ANKS1B: variants seen among roughly 807,000 people sequenced by gnomAD.
ANKS1B encodes the protein ankyrin repeat and sterile alpha motif domain-containing protein 1B.
In ANKS1B, 36 loss-of-function variants were observed where a neutral mutation model predicts 148.3. The observed-to-expected ratio is 0.24, with a 90% CI of 0.19 to 0.32. ANKS1B has a LOEUF of 0.32. Among genes scored for constraint, ANKS1B ranks in the 10% least tolerant of loss-of-function variants. The pLI, the probability that ANKS1B is intolerant of heterozygous loss-of-function variation, is 1.00. For missense variants in ANKS1B, 1,157 were observed against 1,542.6 expected (o/e 0.75, Z 4.19); for synonymous variants, 542 against 560.8 (o/e 0.97, Z 0.47).
At position 99,081,629 on chromosome 12, in the gene ANKS1B, C is replaced by G. The variant is rs371098481; in HGVS notation, c.2625+3296G>C. Among the ~76,000 whole-genome samples the G allele has an allele frequency of 1.6e-4, 25 of 152,244 alleles. No homozygotes were observed. In the East Asian group the frequency reaches 3.9e-3, roughly 23 times the overall value. ...TCTACTAATTTGTGTGCAGAGTGAGCTCTTCTGCATCAGCCTCTCTATAGA... is the reference window on the plus strand; with the variant it reads ...TCTACTAATTTGTGTGCAGAGTGAGGTCTTCTGCATCAGCCTCTCTATAGA... On this transcript the variant is annotated intron_variant, in intron 16 of 26. Coordinates refer to ENST00000683438, the MANE Select transcript of ANKS1B (RefSeq NM_001352186.2).
chr12:98,866,795 G>A (rs1427783304), intron 17 of ANKS1B, among the ~76,000 whole-genome samples: 2 of 152,008 alleles, frequency 1.3e-5, no homozygotes, highest in Admixed American at 6.5e-5. Flanking sequence ...CCTCTCTCTG[G>A]CTTAGGTACC....
chr12:99,453,042 G>A (rs2095777777), intron 10 of ANKS1B, among the ~76,000 whole-genome samples: 1 of 152,308 alleles, frequency 6.6e-6, no homozygotes, highest in South Asian at 2.1e-4. Flanking sequence ...TGTAATCCTA[G>A]CACTTTGGGA....
intron 11 of ANKS1B, among the ~76,000 whole-genome samples, chr12:99,416,193 T>C (rs1473559600): frequency 1.3e-5 from 2 of 152,232 alleles, no homozygotes; most frequent in Non-Finnish European, 2.9e-5. Flanking sequence ...TGTGTATCAA[T>C]AGCTTGCTCC....
intron 26 of ANKS1B, among the ~76,000 whole-genome samples, chr12:98,747,544 G>T (rs2097922446): frequency 6.6e-6 from 1 of 152,208 alleles, no homozygotes; most frequent in Non-Finnish European, 1.5e-5. Flanking sequence ...AGAATAGCAT[G>T]GAGGGTCCTC....
intron 1 of ANKS1B, among the ~76,000 whole-genome samples, chr12:99,949,959 A>ATTTG (rs1201315225): frequency 1.3e-5 from 2 of 150,930 alleles, no homozygotes; most frequent in African/African-American, 2.5e-5. Context: ...AGCCACTCTT[A>ATTTG]TTTGTTTGTT....
intron 12 of ANKS1B, among the ~76,000 whole-genome samples, chr12:99,312,040 G>T (rs563218822): frequency 3.8e-4 from 58 of 152,268 alleles, no homozygotes; most frequent in African/African-American, 1.3e-3. Flanking sequence ...AGAAATTTTA[G>T]AAAGAGATTG....
intron 8 of ANKS1B, among the ~76,000 whole-genome samples, chr12:99,732,532 GA>G (rs200793060): frequency 2.0e-5 from 3 of 151,474 alleles, no homozygotes; most frequent in African/African-American, 7.3e-5. Flanking sequence ...TGAAATTCTA[GA>G]AAAAAAAATT....
chr12:99,472,251 T>C (rs932011298), intron 10 of ANKS1B, among the ~76,000 whole-genome samples: 2 of 152,128 alleles, frequency 1.3e-5, no homozygotes, highest in Non-Finnish European at 2.9e-5. Flanking sequence ...CTAGCTCAAA[T>C]GCTATTTTTT....
intron 8 of ANKS1B, among the ~76,000 whole-genome samples, chr12:99,665,266 GGC>G (rs1448695345): frequency 1.4e-4 from 21 of 152,054 alleles, no homozygotes; most frequent in Non-Finnish European, 2.4e-4. Flanking sequence ...CCACATTCTT[GGC>G]AACACTTAAT....
chr12:99,107,350 G>T (rs1600158178), intron 15 of ANKS1B, among the ~76,000 whole-genome samples: 1 of 152,100 alleles, frequency 6.6e-6, no homozygotes, highest in Non-Finnish European at 1.5e-5. Flanking sequence ...CTCCTGCACA[G>T]AGAAGCCAAT....
At chr12:99,114,029 CT>C (rs1394474038) in intron 15 of ANKS1B, among the ~76,000 whole-genome samples, 2 of 152,104 alleles carry the variant, frequency 1.3e-5, no homozygotes, top group Non-Finnish European at 2.9e-5. Flanking sequence ...GTAATAACAG[CT>C]TTGTAATACT....
intron 8 of ANKS1B, among the ~76,000 whole-genome samples, chr12:99,663,586 G>T (rs1599125215): frequency 6.6e-6 from 1 of 151,574 alleles, no homozygotes; most frequent in African/African-American, 2.4e-5. Flanking sequence ...ATTTATATCT[G>T]CAAGGAAAAG....
intron 9 of ANKS1B, among the ~76,000 whole-genome samples, chr12:99,641,854 C>T (rs943934243): frequency 1.3e-5 from 2 of 151,800 alleles, no homozygotes; most frequent in South Asian, 2.1e-4. Flanking sequence ...GAAGCTATTC[C>T]GTCTATTTTT....
intron 17 of ANKS1B, among the ~76,000 whole-genome samples, chr12:98,854,753 G>A (rs1255278176): frequency 6.6e-6 from 1 of 152,226 alleles, no homozygotes; most frequent in Non-Finnish European, 1.5e-5. Context: ...ATTTTCCATT[G>A]AGAAGCAGAA....
chr12:99,353,027 C>T (rs1004638733), intron 12 of ANKS1B, among the ~76,000 whole-genome samples: 2 of 151,900 alleles, frequency 1.3e-5, no homozygotes, highest in African/African-American at 4.8e-5. Context: ...GGATGTTATC[C>T]CCACAAGTTT....
At position 99,140,794 on chromosome 12, in the gene ANKS1B, A is replaced by G. The variant is rs527511015; in HGVS notation, c.2526+13495T>C. The stretch of plus-strand genomic sequence containing the variant: ...TGAATCTAATGATTACAAATATCAA[A>G]TGAGCCCTAAGCATGGCCCTGTAAT... On this transcript the variant is annotated intron_variant, in intron 15 of 26. Transcript: ENST00000683438. 2.0e-5 allele frequency among the ~76,000 whole-genome samples: 3 copies of G among 152,272 alleles called. No homozygotes were observed. The South Asian group carries it at 6.2e-4, about 32-fold the overall frequency.
chr12:99,571,904 C>G (rs1036896150), intron 9 of ANKS1B, among the ~76,000 whole-genome samples: 2 of 152,150 alleles, frequency 1.3e-5, no homozygotes, highest in African/African-American at 4.8e-5. Context: ...TTTTACCTGA[C>G]TCTCTGGACT....
intron 12 of ANKS1B, among the ~76,000 whole-genome samples, chr12:99,302,204 G>T (rs893227351): frequency 9.2e-5 from 14 of 152,060 alleles, no homozygotes; most frequent in Non-Finnish European, 1.8e-4. Flanking sequence ...TGGAATAAAT[G>T]ATGTGCAATT....
intron 17 of ANKS1B, among the ~76,000 whole-genome samples, chr12:99,008,507 CTG>C (rs902925000): frequency 6.6e-6 from 1 of 152,186 alleles, no homozygotes; most frequent in Non-Finnish European, 1.5e-5. Context: ...CAATCATAGA[CTG>C]TACTTTTTCA....
Sources: gnomAD v4.1 joint callset for allele counts (sites outside exome capture counted in the v4.1 genomes callset) on GRCh38, gnomAD v4.1.1 for gene constraint, MANE v1.5 for transcripts, NCBI Gene and HGNC (gene_info 2026-07-23, HGNC 2026-07-21) for gene names.